SLC9A9: variants seen among roughly 807,000 people sequenced by gnomAD.
The protein encoded by SLC9A9 is sodium/hydrogen exchanger 9.
In SLC9A9, 62 loss-of-function variants were observed where a neutral mutation model predicts 77.8. That is an observed-to-expected ratio of 0.80 (90% confidence interval 0.65 to 0.98). SLC9A9 has a LOEUF of 0.98. Among genes scored for constraint, SLC9A9 ranks in the 50% least tolerant of loss-of-function variants. The pLI, the probability that SLC9A9 is intolerant of heterozygous loss-of-function variation, is 0.00. For synonymous variants in SLC9A9, 320 were observed against 283.5 expected (o/e 1.13, Z -1.29); for missense variants, 775 against 774.9 (o/e 1.00, Z 0.00).
chr3:143,776,598 C>G (rs893708642), intron 4 of SLC9A9, among the ~76,000 whole-genome samples: 2 of 151,940 alleles, frequency 1.3e-5, no homozygotes, highest in African/African-American at 2.4e-5. Flanking sequence ...ATTTTTATAA[C>G]TGTATAGAGA....
In SLC9A9 at chr3:143,390,986, A is replaced by G. The variant is rs1381358082; in HGVS notation, c.1470-8872T>C. ...ACTAGGTGGAGCCCACCGCAGCTCA[A>G]GGAGGCCTGCCTGCCTCTGTAGACT... is the stretch of plus-strand genomic sequence containing the variant. On this transcript the variant is annotated intron_variant, in intron 12 of 15. Coordinates refer to ENST00000316549, the MANE Select transcript of SLC9A9 (RefSeq NM_173653.4). Among the ~76,000 whole-genome samples, 5 of 152,238 alleles carry G rather than the reference A, an allele frequency of 3.3e-5. No individual in the cohort carries two copies. In the East Asian group the frequency reaches 9.6e-4, roughly 29 times the overall value.
intron 6 of SLC9A9, among the ~76,000 whole-genome samples, chr3:143,592,070 G>A (rs149603842): frequency 9.2e-5 from 14 of 152,300 alleles, no homozygotes; most frequent in South Asian, 2.1e-4. Context: ...CCTTCTCTAT[G>A]TGGTCCATGA....
chr3:143,728,757 T>C (rs975246943), intron 4 of SLC9A9, among the ~76,000 whole-genome samples: 2 of 151,826 alleles, frequency 1.3e-5, no homozygotes, highest in Non-Finnish European at 2.9e-5. Flanking sequence ...AGAAATATAT[T>C]TGAAGGAAGA....
chr3:143,844,741 CTTTCTTTCT>C lies in SLC9A9; in HGVS notation c.175+3398_175+3406del, dbSNP rs1362683677. ...TCTTTCTTTCTTTCTTTCTTTCTTT[CTTTCTTTCT>C]TTCTTTCTTTCTTTCTTTCTTTCTT... On this transcript the variant is annotated intron_variant, in intron 1 of 15. Coordinates refer to ENST00000316549, the MANE Select transcript of SLC9A9 (RefSeq NM_173653.4). Among the ~76,000 whole-genome samples the C allele has an allele frequency of 5.6e-5, 8 of 143,950 alleles. No homozygotes were observed. In the East Asian group the frequency reaches 1.6e-3, roughly 29 times the overall value. The allele number at this position is 143,950 out of a possible 152,430, so 94.4% of individuals were successfully genotyped here.
chr3:143,511,109 A>C (rs1245641369), intron 9 of SLC9A9, among the ~76,000 whole-genome samples: 1 of 152,196 alleles, frequency 6.6e-6, no homozygotes, highest in Admixed American at 6.5e-5. Flanking sequence ...CAATTCTCGC[A>C]CTTTCATCAA....
intron 12 of SLC9A9, among the ~76,000 whole-genome samples, chr3:143,404,699 T>A (rs958144250): frequency 6.6e-6 from 1 of 152,190 alleles, no homozygotes; most frequent in African/African-American, 2.4e-5. Context: ...GGTAATACAC[T>A]GTAGCAATTT....
chr3:143,816,803 C>T (rs61014121), intron 2 of SLC9A9, among the ~76,000 whole-genome samples: 3,657 of 152,186 alleles, frequency 0.024, 149 homozygotes, highest in African/African-American at 0.081. Flanking sequence ...CAGATTTTAG[C>T]CAATACTTAG....
chr3:143,639,699 C>A (rs1328967577), intron 6 of SLC9A9, among the ~76,000 whole-genome samples: 1 of 152,134 alleles, frequency 6.6e-6, no homozygotes, highest in Non-Finnish European at 1.5e-5. Flanking sequence ...ATTTCAAAGA[C>A]CCATTGGATA....
At chr3:143,573,967 C>A in intron 8 of SLC9A9, 121 bp downstream of exon 8, 1 of 816,080 alleles carries the variant, frequency 1.2e-6, no homozygotes, top group Non-Finnish European at 2.1e-6. Flanking sequence ...TGACCCAAAC[C>A]ATTCACATGC....
At chr3:143,478,841 T>TAATA (rs1291456264) in intron 11 of SLC9A9, among the ~76,000 whole-genome samples, 4 of 152,216 alleles carry the variant, frequency 2.6e-5, no homozygotes, top group African/African-American at 4.8e-5. Flanking sequence ...AGCAAGCAAT[T>TAATA]AATAAATAAA....
chr3:143,334,962 TGA>T (rs2031879174), intron 14 of SLC9A9, among the ~76,000 whole-genome samples: 1 of 99,680 alleles, frequency 1.0e-5, no homozygotes, highest in Non-Finnish European at 2.0e-5. Context: ...ATAATAGGCA[TGA>T]AAAAAAAAAA....
intron 6 of SLC9A9, among the ~76,000 whole-genome samples, chr3:143,637,333 C>T (rs1203408473): frequency 6.6e-6 from 1 of 152,066 alleles, no homozygotes; most frequent in Non-Finnish European, 1.5e-5. Context: ...GATGGAATTA[C>T]AAAATACAGT....
chr3:143,334,380 C>A (rs960934965), intron 14 of SLC9A9, among the ~76,000 whole-genome samples: 15 of 152,172 alleles, frequency 9.9e-5, no homozygotes, highest in Non-Finnish European at 1.9e-4. Flanking sequence ...TGGAAGCGGA[C>A]ATGCTGAAAA....
chr3:143,417,524 TGGAGGGAAAAAGGGATGGATGGAG>T (rs1242275999), intron 12 of SLC9A9, among the ~76,000 whole-genome samples: 21 of 121,890 alleles, frequency 1.7e-4, no homozygotes, highest in African/African-American at 4.8e-4. Flanking sequence ...AAGGGATGGA[TGGAGGGAAAAAGGGATGGATGGAG>T]GGAGGGAAAA....
chr3:143,496,631 T>C (rs1401617355), intron 9 of SLC9A9, among the ~76,000 whole-genome samples: 2 of 152,222 alleles, frequency 1.3e-5, no homozygotes, highest in Non-Finnish European at 2.9e-5. Context: ...TTATCCTGAA[T>C]GCTTGCTTTA....
chr3:143,450,157 T>C (rs938524661), intron 12 of SLC9A9, among the ~76,000 whole-genome samples: 8 of 131,200 alleles, frequency 6.1e-5, no homozygotes, highest in Non-Finnish European at 1.1e-4. Context: ...ATATATATTA[T>C]ATAATATACA....
rs191555554 is a variant in SLC9A9 at position 143,274,592 on chromosome 3, G to T, written c.1605-5612C>A. On this transcript the variant is annotated intron_variant, in intron 14 of 15. Transcript: ENST00000316549. The stretch of plus-strand genomic sequence containing the variant: ...ACACAAAGTTACTGACTCTGGAGTT[G>T]AAAAAAGTGTACAAACTGTTGGTGT... 3.1e-3 allele frequency among the ~76,000 whole-genome samples: 470 copies of T among 152,264 alleles called. 3 individuals carry two copies. Among genetic ancestry groups the T allele is most frequent in the African/African-American group, 0.011 (449 of 41,554 alleles).
intron 12 of SLC9A9, among the ~76,000 whole-genome samples, chr3:143,411,397 A>G (rs1406901358): frequency 7.2e-5 from 11 of 152,086 alleles, no homozygotes; most frequent in Admixed American, 5.9e-4. Context: ...CTGCTACTTC[A>G]TATCTTCTGC....
chr3:143,341,438 T>C (rs1184251415), intron 14 of SLC9A9, among the ~76,000 whole-genome samples: 1 of 152,162 alleles, frequency 6.6e-6, no homozygotes, highest in Non-Finnish European at 1.5e-5. Context: ...TCATACAATG[T>C]AAATTTAGAC....
Sources: gnomAD v4.1 joint callset for allele counts (sites outside exome capture counted in the v4.1 genomes callset) on GRCh38, gnomAD v4.1.1 for gene constraint, MANE v1.5 for transcripts, NCBI Gene and HGNC (gene_info 2026-07-23, HGNC 2026-07-21) for gene names.